The following ZNF438 variants were observed in gnomAD, a reference collection of about 807,000 sequenced individuals.
The protein encoded by ZNF438 is zinc finger protein 438.
In ZNF438, 25 loss-of-function variants were observed where a neutral mutation model predicts 38.0. The observed-to-expected ratio is 0.66, with a 90% confidence interval of 0.48 to 0.92. The LOEUF (loss-of-function observed/expected upper bound fraction) is 0.92. Ranked by LOEUF, ZNF438 falls within the 40% of genes least tolerant of loss-of-function variation. ZNF438 has a pLI of 0.00. For synonymous variants in ZNF438, 372 were observed against 364.1 expected, an observed-to-expected ratio of 1.02 and a Z score of -0.25; for missense variants, 1,007 against 999.6, an observed-to-expected ratio of 1.01 and a Z score of -0.10.
chr10:30,852,312 G>A (rs1588762163), intron 4 of ZNF438, among the ~76,000 whole-genome samples: 1 of 151,450 alleles, frequency 6.6e-6, no homozygotes, highest in South Asian at 2.1e-4. Flanking sequence ...GGGTTCAAGT[G>A]ATTCTCCTGC....
At chr10:31,008,471 A>G (rs549577001) in intron 1 of ZNF438, among the ~76,000 whole-genome samples, 1 of 152,264 alleles carries the variant, frequency 6.6e-6, no homozygotes, top group African/African-American at 2.4e-5. Flanking sequence ...TCAGCTCACA[A>G]ATCTACTTTC....
At chr10:30,845,012 A>T (rs1564458373) in exon 6 of ZNF438, 1 of 1,614,180 alleles carries the variant, frequency 6.2e-7, no homozygotes. Flanking sequence ...TGGAGACCGT[A>T]TTTAAAATAG....
At chr10:30,883,049 G>C (rs971688743) in intron 3 of ZNF438, among the ~76,000 whole-genome samples, 2 of 152,098 alleles carry the variant, frequency 1.3e-5, no homozygotes, top group African/African-American at 4.8e-5. Context: ...ATAACAATGA[G>C]ATAATGCTCT....
chr10:30,884,453 TTGAG>T (rs1294368452), intron 3 of ZNF438, among the ~76,000 whole-genome samples: 3 of 152,168 alleles, frequency 2.0e-5, no homozygotes, highest in African/African-American at 7.2e-5. Context: ...ATACGATTCC[TTGAG>T]TAAGTGTGCA....
intron 1 of ZNF438, among the ~76,000 whole-genome samples, chr10:31,019,753 C>T (rs2056458131): frequency 6.6e-6 from 1 of 152,140 alleles, no homozygotes; most frequent in Non-Finnish European, 1.5e-5. Flanking sequence ...AGAAGCGTGT[C>T]CTGCATATTG....
intron 2 of ZNF438, among the ~76,000 whole-genome samples, chr10:30,909,575 A>G (rs957875747): frequency 1.3e-5 from 2 of 152,196 alleles, no homozygotes; most frequent in African/African-American, 4.8e-5. Flanking sequence ...TCACTTTTTC[A>G]TCTTTATCCT....
intron 1 of ZNF438, among the ~76,000 whole-genome samples, chr10:30,945,388 CTTTT>C (rs61149961): frequency 2.8e-5 from 4 of 141,124 alleles, no homozygotes; most frequent in South Asian, 2.2e-4. Flanking sequence ...GATTCTTTTA[CTTTT>C]TTTTTTTTTA....
At chr10:30,934,884 GCA>G (rs1370299565) in intron 2 of ZNF438, among the ~76,000 whole-genome samples, 1 of 152,206 alleles carries the variant, frequency 6.6e-6, no homozygotes, top group African/African-American at 2.4e-5. Flanking sequence ...GGTATTAAAT[GCA>G]CAGTGAGACA....
chr10:31,011,197 C>A (rs930142619), intron 1 of ZNF438, among the ~76,000 whole-genome samples: 1 of 152,152 alleles, frequency 6.6e-6, no homozygotes, highest in Non-Finnish European at 1.5e-5. Context: ...CAGGGATGAG[C>A]TGCTGCAAAA....
intron 3 of ZNF438, among the ~76,000 whole-genome samples, chr10:30,878,999 C>T (rs117354225): frequency 0.023 from 3,544 of 152,224 alleles, 55 homozygotes; most frequent in Middle Eastern, 0.051. Flanking sequence ...CTGCGATGAG[C>T]TCTATGTGAG....
chr10:30,915,099 T>G (rs753630014), intron 2 of ZNF438, among the ~76,000 whole-genome samples: 15 of 152,064 alleles, frequency 9.9e-5, no homozygotes, highest in Non-Finnish European at 1.9e-4. Flanking sequence ...ATAAATCATT[T>G]GACAGTTTTT....
At chr10:30,851,616 C>T (rs1045949588) in intron 4 of ZNF438, among the ~76,000 whole-genome samples, 17 of 152,246 alleles carry the variant, frequency 1.1e-4, no homozygotes, top group African/African-American at 3.9e-4. Context: ...ATCTGCAGGG[C>T]ACCCATAATT....
At chr10:30,990,940 A>G (rs2053423070) in intron 1 of ZNF438, among the ~76,000 whole-genome samples, 1 of 152,222 alleles carries the variant, frequency 6.6e-6, no homozygotes, top group Admixed American at 6.5e-5. Context: ...TTTCTCCCCA[A>G]CAAAAACAAT....
At chr10:30,995,177 T>C (rs1052384527) in intron 1 of ZNF438, among the ~76,000 whole-genome samples, 2 of 151,852 alleles carry the variant, frequency 1.3e-5, no homozygotes, top group African/African-American at 4.8e-5. Flanking sequence ...ATAGGATAAA[T>C]ACAAAGAGAT....
chr10:30,851,129 T>C (rs932770295), intron 4 of ZNF438, among the ~76,000 whole-genome samples: 22 of 152,224 alleles, frequency 1.4e-4, no homozygotes, highest in African/African-American at 5.1e-4. Flanking sequence ...AACAGAAAGA[T>C]ACAAAGTGAT....
intron 2 of ZNF438, among the ~76,000 whole-genome samples, chr10:30,941,369 G>C (rs1006726776): frequency 5.3e-5 from 8 of 152,138 alleles, no homozygotes; most frequent in African/African-American, 1.9e-4. Context: ...ACCATGCCTG[G>C]CCAGAACATT....
exon 6 of ZNF438, chr10:30,844,936 C>T (rs1378117068): frequency 1.2e-6 from 2 of 1,605,186 alleles, no homozygotes; most frequent in African/African-American, 1.3e-5. Context: ...GAGCTCTCTC[C>T]TTAACCCCAG....
At chr10:30,855,672 A>G (rs775935173) in intron 4 of ZNF438, among the ~76,000 whole-genome samples, 3 of 152,242 alleles carry the variant, frequency 2.0e-5, no homozygotes. Flanking sequence ...CAGGGTGCTA[A>G]TAAGATAATC....
At chr10:30,862,463 T>C (rs1221076033) in intron 4 of ZNF438, among the ~76,000 whole-genome samples, 1 of 151,990 alleles carries the variant, frequency 6.6e-6, no homozygotes, top group East Asian at 1.9e-4. Context: ...CCACCCTGTG[T>C]GGCTAGTTTT....
Sources: gnomAD v4.1 joint callset for allele counts (sites outside exome capture counted in the v4.1 genomes callset) on GRCh38, gnomAD v4.1.1 for gene constraint, MANE v1.5 for transcripts, NCBI Gene and HGNC (gene_info 2026-07-23, HGNC 2026-07-21) for gene names.